FSD1L: variants seen among roughly 807,000 people sequenced by gnomAD.
The protein encoded by FSD1L is fibronectin type III and SPRY domain containing 1 like.
Under a neutral mutation model 71.6 loss-of-function variants are expected in FSD1L, and 45 were observed. The observed-to-expected ratio is 0.63, with a 90% CI of 0.49 to 0.81. The LOEUF is 0.81. Among genes scored for constraint, FSD1L ranks in the 30% least tolerant of loss-of-function variants. FSD1L has a pLI of 0.00. For synonymous variants in FSD1L, 197 were observed against 207.2 expected (o/e 0.95, Z 0.42); for missense variants, 561 against 618.1 (o/e 0.91, Z 0.98).
chr9:105,532,872 C>T (rs2131479217), intron 10 of FSD1L, among the ~76,000 whole-genome samples: 1 of 152,238 alleles, frequency 6.6e-6, no homozygotes, highest in East Asian at 1.9e-4. Flanking sequence ...GTCCTGAGTT[C>T]TTTGAAATTG....
At position 105,448,172 on chromosome 9, in the gene FSD1L, A is replaced by C; in HGVS notation, c.-49A>C. The stretch of plus-strand genomic sequence containing the variant: ...GTGTGCGATCTCGCTGAGCCTCCTC[A>C]CACGGTTCGTCGTCTCGGGTTCGAG... On this transcript the variant is annotated 5_prime_UTR_variant, in exon 1 of 14. Coordinates refer to ENST00000481272, the MANE Select transcript of FSD1L (RefSeq NM_001145313.3). The C allele has an allele frequency of 5.2e-6, 8 of 1,538,760 alleles. No homozygotes were observed. The highest frequency in any genetic ancestry group is 7.0e-6 in the Non-Finnish European group (8 of 1,139,242).
chr9:105,504,133 T>C (rs1454444023), intron 7 of FSD1L, among the ~76,000 whole-genome samples: 1 of 152,264 alleles, frequency 6.6e-6, no homozygotes, highest in Non-Finnish European at 1.5e-5. Context: ...CATAGGCCTT[T>C]ACATTTCCTT....
intron 13 of FSD1L, among the ~76,000 whole-genome samples, chr9:105,541,136 T>G (rs1164275166): frequency 2.0e-5 from 3 of 152,122 alleles, no homozygotes; most frequent in Admixed American, 1.3e-4. Context: ...TTATCCATAG[T>G]AATTATTTAT....
intron 7 of FSD1L, among the ~76,000 whole-genome samples, chr9:105,497,966 T>A (rs1417423181): frequency 6.6e-6 from 1 of 151,932 alleles, no homozygotes; most frequent in Non-Finnish European, 1.5e-5. Flanking sequence ...GCCACAGCCT[T>A]CTCAGTAGTT....
intron 10 of FSD1L, among the ~76,000 whole-genome samples, chr9:105,517,053 A>G (rs1834771527): frequency 6.6e-6 from 1 of 152,228 alleles, no homozygotes; most frequent in Admixed American, 6.5e-5. Flanking sequence ...AGCTGTATCA[A>G]TCAAGTGGAA....
chr9:105,534,530 T>C lies in FSD1L; in HGVS notation c.1063T>C (p.Ser355Pro). The change falls in exon 11 of 14, where the codon TCC becomes CCC. Residue 355 changes from serine to proline, a missense_variant. Coordinates refer to ENST00000481272, the MANE Select transcript of FSD1L (RefSeq NM_001145313.3). ...TPSPKRTSVG[S>P]RPPAVRGSRD... Reference sequence around the variant, plus strand: ...ATCCCCAAAACGAACATCTGTAGGCTCCAGGCCACCAGCAGTAAGAGGCAG... The same window carrying C: ...ATCCCCAAAACGAACATCTGTAGGCCCCAGGCCACCAGCAGTAAGAGGCAG... The C allele has an allele frequency of 6.4e-7, 1 of 1,551,194 alleles. No homozygotes were observed. The highest frequency in any genetic ancestry group is 8.7e-7 in the Non-Finnish European group (1 of 1,146,350).
intron 7 of FSD1L, among the ~76,000 whole-genome samples, chr9:105,491,092 TG>T (rs1379306675): frequency 4.6e-5 from 7 of 152,192 alleles, no homozygotes; most frequent in Admixed American, 2.0e-4. Context: ...TAAATTACCT[TG>T]GGCAGTATGG....
chr9:105,503,176 C>G (rs1833868459), intron 7 of FSD1L, among the ~76,000 whole-genome samples: 1 of 152,116 alleles, frequency 6.6e-6, no homozygotes. Context: ...GCATGAGCCA[C>G]TATGCCCAGC....
intron 9 of FSD1L, among the ~76,000 whole-genome samples, chr9:105,509,986 ATTTCTTTTG>A (rs1436437021): frequency 5.9e-5 from 9 of 152,194 alleles, no homozygotes; most frequent in African/African-American, 2.2e-4. Context: ...TATTTTTAAA[ATTTCTTTTG>A]TTTCTTTTCA....
At chr9:105,536,624 G>GT (rs1483906302) in intron 12 of FSD1L, among the ~76,000 whole-genome samples, 2 of 151,400 alleles carry the variant, frequency 1.3e-5, no homozygotes, top group Non-Finnish European at 3.0e-5. Flanking sequence ...TATGGTTTTG[G>GT]TTTTTTTTGT....
intron 7 of FSD1L, among the ~76,000 whole-genome samples, chr9:105,499,529 G>A (rs1219238361): frequency 1.3e-5 from 2 of 151,520 alleles, no homozygotes; most frequent in East Asian, 1.9e-4. Context: ...TAATTTCAAG[G>A]TATACAGAAT....
chr9:105,512,269 A>G (rs1834438615), intron 9 of FSD1L, among the ~76,000 whole-genome samples: 1 of 151,962 alleles, frequency 6.6e-6, no homozygotes, highest in Non-Finnish European at 1.5e-5. Flanking sequence ...ATTATCTATC[A>G]GCTGGGCCAG....
chr9:105,495,160 G>A (rs1214136988), intron 7 of FSD1L, among the ~76,000 whole-genome samples: 1 of 152,190 alleles, frequency 6.6e-6, no homozygotes, highest in Non-Finnish European at 1.5e-5. Context: ...CACCCAGTTT[G>A]AGCTTCCCGG....
Position 105,448,041 on chromosome 9 carries a change from C to G in FSD1L, c.-180C>G. ...TCCCTTCTGCGGGCCGCCCTTTCAC[C>G]CTGGCAACCGCGGCGTGACTACGGC... On this transcript the variant is annotated 5_prime_UTR_variant, in exon 1 of 14. Coordinates refer to ENST00000481272, the MANE Select transcript of FSD1L (RefSeq NM_001145313.3). 1 of 680,546 alleles carries G rather than the reference C, an allele frequency of 1.5e-6. No individual in the cohort carries two copies. Among genetic ancestry groups the G allele is most frequent in the Non-Finnish European group, 2.6e-6 (1 of 389,928 alleles). The allele number at this position is 680,546 out of a possible 1,614,324, so 42.2% of individuals were successfully genotyped here. A position where few individuals can be genotyped will look rare whatever the true frequency, so the allele number is the denominator to read the frequency against.
chr9:105,526,329 C>G (rs113482260), intron 10 of FSD1L: 43 of 1,611,328 alleles, frequency 2.7e-5, no homozygotes, highest in Non-Finnish European at 1.7e-5. Flanking sequence ...CAGCTCCCTA[C>G]CACCATTTAC....
At chr9:105,445,038 A>T (rs564017178), upstream of FSD1L, among the ~76,000 whole-genome samples, 9 of 152,252 alleles carry the variant, frequency 5.9e-5, no homozygotes, top group African/African-American at 2.2e-4. Context: ...ACTTTTGAAA[A>T]TTTCTAAATG....
At chr9:105,537,230 A>G (rs959524510) in intron 12 of FSD1L, among the ~76,000 whole-genome samples, 1 of 152,184 alleles carries the variant, frequency 6.6e-6, no homozygotes, top group Non-Finnish European at 1.5e-5. Flanking sequence ...TTAAGCTAAT[A>G]CCAAATTTTA....
intron 1 of FSD1L, among the ~76,000 whole-genome samples, chr9:105,455,735 T>TC (rs1437858202): frequency 2.0e-5 from 3 of 152,214 alleles, no homozygotes; most frequent in African/African-American, 7.2e-5. Flanking sequence ...AACCATAAAA[T>TC]GTGAAGACTC....
chr9:105,533,410 T>G (rs189494579), intron 10 of FSD1L, among the ~76,000 whole-genome samples: 4 of 128,958 alleles, frequency 3.1e-5, no homozygotes, highest in Non-Finnish European at 6.5e-5. Context: ...TAATTGCCAT[T>G]TCCATCTTTT....
Sources: allele counts gnomAD v4.1 joint callset (sites outside exome capture counted in the v4.1 genomes callset), GRCh38; gene constraint gnomAD v4.1.1; transcripts MANE v1.5; gene names NCBI Gene and HGNC (gene_info 2026-07-23, HGNC 2026-07-21).